XRCC4: variants seen among roughly 807,000 people sequenced by gnomAD.
XRCC4 encodes DNA repair protein XRCC4.
A neutral mutation model predicts 39.1 loss-of-function variants in XRCC4; 28 were observed. That is an observed-to-expected ratio of 0.72 (90% confidence interval 0.53 to 0.98). The LOEUF is 0.98. Among genes scored for constraint, XRCC4 ranks in the 50% least tolerant of loss-of-function variants. The pLI, the probability that XRCC4 is intolerant of heterozygous loss-of-function variation, is 0.00. For synonymous variants in XRCC4, 123 were observed against 126.4 expected (o/e 0.97, Z 0.18); for missense variants, 350 against 376.4 (o/e 0.93, Z 0.58).
At chr5:83,302,729 G>A (rs1188604165) in intron 7 of XRCC4, among the ~76,000 whole-genome samples, 1 of 152,154 alleles carries the variant, frequency 6.6e-6, no homozygotes, top group African/African-American at 2.4e-5. Context: ...GGGATGAGGA[G>A]GAATAACATC....
intron 7 of XRCC4, among the ~76,000 whole-genome samples, chr5:83,275,794 A>C (rs536474764): frequency 6.6e-6 from 1 of 152,330 alleles, no homozygotes; most frequent in East Asian, 1.9e-4. Context: ...ATGGTTCCTA[A>C]TGTGTAGATT....
At chr5:83,240,364 G>A (rs1050159824) in intron 6 of XRCC4, among the ~76,000 whole-genome samples, 1 of 152,088 alleles carries the variant, frequency 6.6e-6, no homozygotes. Flanking sequence ...AGAGAAAGAA[G>A]ACACAAGGGG....
intron 6 of XRCC4, among the ~76,000 whole-genome samples, chr5:83,242,849 A>G (rs1191435016): frequency 6.6e-6 from 1 of 152,174 alleles, no homozygotes; most frequent in African/African-American, 2.4e-5. Flanking sequence ...TACTCACAAC[A>G]AAAATATGAG....
intron 7 of XRCC4, among the ~76,000 whole-genome samples, chr5:83,309,297 ATATAT>A (rs1465818981): frequency 9.3e-5 from 5 of 53,564 alleles, no homozygotes; most frequent in East Asian, 1.4e-3. Flanking sequence ...AAAAAAAAAA[ATATAT>A]ATATATATAT....
At chr5:83,340,617 C>G (rs1348101936) in intron 7 of XRCC4, among the ~76,000 whole-genome samples, 1 of 130,304 alleles carries the variant, frequency 7.7e-6, no homozygotes, top group African/African-American at 2.6e-5. Flanking sequence ...CCTCTACAAG[C>G]TAAAAAAAAA....
chr5:83,156,393 T>C (rs1239728098), intron 3 of XRCC4, among the ~76,000 whole-genome samples: 5 of 151,690 alleles, frequency 3.3e-5, no homozygotes, highest in Non-Finnish European at 7.4e-5. Flanking sequence ...CATATCAAGA[T>C]ATGGATATAA....
At chr5:83,243,832 A>AG (rs1242502922) in intron 6 of XRCC4, among the ~76,000 whole-genome samples, 2 of 152,108 alleles carry the variant, frequency 1.3e-5, no homozygotes, top group African/African-American at 4.8e-5. Flanking sequence ...GAAGGACAAA[A>AG]CAGGAAGGTG....
chr5:83,080,640 TCTC>T (rs1475839912), intron 1 of XRCC4, among the ~76,000 whole-genome samples: 4 of 152,322 alleles, frequency 2.6e-5, no homozygotes, highest in South Asian at 4.1e-4. Context: ...CCATGAATCA[TCTC>T]CTTGTTTAGC....
intron 3 of XRCC4, among the ~76,000 whole-genome samples, chr5:83,157,995 A>T (rs1046150127): frequency 6.6e-6 from 1 of 152,072 alleles, no homozygotes; most frequent in Admixed American, 6.6e-5. Flanking sequence ...CCACCTTCAG[A>T]TGGGTAGTAC....
chr5:83,105,023 C>T lies in XRCC4; in HGVS notation c.104C>T (p.Thr35Ile), dbSNP rs1746129704. 6.8e-6 allele frequency: 11 copies of T among 1,613,482 alleles called. No homozygotes were observed. The highest frequency in any genetic ancestry group is 9.3e-6 in the Non-Finnish European group (11 of 1,179,722). The change falls in exon 2 of 8, where the codon ACA becomes ATA. Residue 35 changes from threonine to isoleucine, a missense_variant. Thr to Ile is a moderately conservative substitution (Grantham distance 89). Coordinates refer to ENST00000396027, the MANE Select transcript of XRCC4 (RefSeq NM_003401.5). The stretch of plus-strand genomic sequence containing the variant: ...ACACTGGAATCTGGTTTTGTTATTA[C>T]ACTTACTGATGGTCATTCAGCATGG... ...EKTLESGFVI[T>I]LTDGHSAWTG...
chr5:83,206,415 G>C (rs1419443314), intron 6 of XRCC4, among the ~76,000 whole-genome samples: 1 of 152,076 alleles, frequency 6.6e-6, no homozygotes, highest in Non-Finnish European at 1.5e-5. Flanking sequence ...CAGGAGGTAA[G>C]AGGCAAAAAT....
intron 6 of XRCC4, among the ~76,000 whole-genome samples, chr5:83,222,016 C>T (rs1752103912): frequency 6.6e-6 from 1 of 151,788 alleles, no homozygotes; most frequent in Non-Finnish European, 1.5e-5. Flanking sequence ...TTGGTGTTTA[C>T]ATGGTTTATC....
intron 6 of XRCC4, among the ~76,000 whole-genome samples, chr5:83,219,745 A>C (rs1298590660): frequency 6.6e-6 from 1 of 152,180 alleles, no homozygotes. Context: ...TAAGTATGAA[A>C]AAAGGAATGT....
intron 7 of XRCC4, among the ~76,000 whole-genome samples, chr5:83,294,973 C>G (rs1755044107): frequency 6.6e-6 from 1 of 151,760 alleles, no homozygotes; most frequent in Non-Finnish European, 1.5e-5. Context: ...ATAATGCTTC[C>G]CTGGAGTTCT....
At chr5:83,209,101 T>A (rs1300598251) in intron 6 of XRCC4, among the ~76,000 whole-genome samples, 1 of 151,808 alleles carries the variant, frequency 6.6e-6, no homozygotes, top group South Asian at 2.1e-4. Context: ...TGTGTGTGTG[T>A]GTGTGTGTGT....
rs376124873 is a variant in XRCC4, at chr5:83,352,662, A to T, written c.894-469A>T. Among the ~76,000 whole-genome samples the T allele has an allele frequency of 3.9e-5, 6 of 152,354 alleles. No individual in the cohort carries two copies. In the South Asian group the frequency reaches 6.2e-4, roughly 16 times the overall value. ...TAAATGTGAAAAATCATTATTTTTC[A>T]TATATACACATGATCATCAGACCCA... On this transcript the variant is annotated intron_variant, in intron 7 of 7. Transcript: ENST00000396027.
intron 7 of XRCC4, among the ~76,000 whole-genome samples, chr5:83,293,992 G>A (rs1303707462): frequency 6.6e-6 from 1 of 151,498 alleles, no homozygotes; most frequent in Non-Finnish European, 1.5e-5. Flanking sequence ...TAATTCTTCT[G>A]GTTTCTTTTA....
At chr5:83,329,158 G>T (rs1009627860) in intron 7 of XRCC4, among the ~76,000 whole-genome samples, 1 of 152,056 alleles carries the variant, frequency 6.6e-6, no homozygotes, top group African/African-American at 2.4e-5. Context: ...AATTTAAAAT[G>T]TGAATATAAA....
chr5:83,356,951 A>T (rs1757196897), downstream of XRCC4, among the ~76,000 whole-genome samples: 1 of 152,198 alleles, frequency 6.6e-6, no homozygotes, highest in Non-Finnish European at 1.5e-5. Flanking sequence ...CCCTCTCAAG[A>T]GATGTCTTTA....
Sources: allele counts gnomAD v4.1 joint callset (sites outside exome capture counted in the v4.1 genomes callset), GRCh38; gene constraint gnomAD v4.1.1; transcripts MANE v1.5; gene names NCBI Gene and HGNC (gene_info 2026-07-23, HGNC 2026-07-21).